Variants in RANBP2 observed in about 807,000 individuals in gnomAD.
The protein encoded by RANBP2 is E3 SUMO-protein ligase RanBP2.
A neutral mutation model predicts 303.6 loss-of-function variants in RANBP2; 57 were observed. The observed-to-expected ratio is 0.19, with a 90% CI of 0.15 to 0.23. The LOEUF (loss-of-function observed/expected upper bound fraction) is 0.23. Ranked by LOEUF, RANBP2 falls within the 10% of genes least tolerant of loss-of-function variation. The pLI, the probability that RANBP2 is intolerant of heterozygous loss-of-function variation, is 1.00. For missense variants in RANBP2, 3,138 were observed against 3,780.8 expected, an observed-to-expected ratio of 0.83 and a Z score of 4.46; for synonymous variants, 1,167 against 1,301.5, an observed-to-expected ratio of 0.90 and a Z score of 2.23.
the RANBP2 span, among the ~76,000 whole-genome samples, chr2:109,684,029 C>A: frequency 1.3e-5 from 2 of 151,918 alleles, no homozygotes; most frequent in African/African-American, 4.8e-5. Context: ...GCAACCTCCA[C>A]CTCCCAGGCT....
At chr2:108,943,053 C>T in the RANBP2 span, among the ~76,000 whole-genome samples, 1 of 152,188 alleles carries the variant, frequency 6.6e-6, no homozygotes, top group Non-Finnish European at 1.5e-5. Context: ...ATTACATGTC[C>T]CTTTCAGAGT....
chr2:109,654,112 C>G, the RANBP2 span, among the ~76,000 whole-genome samples: 143 of 152,190 alleles, frequency 9.4e-4, no homozygotes, highest in Middle Eastern at 3.4e-3. Context: ...GGGTTATTTC[C>G]GCTGGTTAGG....
the RANBP2 span, among the ~76,000 whole-genome samples, chr2:109,210,670 A>T: frequency 1.3e-5 from 2 of 151,842 alleles, no homozygotes; most frequent in Non-Finnish European, 2.9e-5. Flanking sequence ...TGATGAGCTT[A>T]CTCCAGGTGG....
At chr2:109,086,394 CT>C in the RANBP2 span, among the ~76,000 whole-genome samples, 1 of 152,178 alleles carries the variant, frequency 6.6e-6, no homozygotes, top group Admixed American at 6.5e-5. Context: ...GTGTGAAGTC[CT>C]TTTCTATATA....
the RANBP2 span, chr2:108,907,796 T>C: frequency 6.3e-7 from 1 of 1,594,820 alleles, no homozygotes; most frequent in South Asian, 1.1e-5. Flanking sequence ...TAAGAAAGTT[T>C]TAGTCTTGCG....
the RANBP2 span, among the ~76,000 whole-genome samples, chr2:109,133,039 T>C: frequency 2.0e-5 from 3 of 152,242 alleles, no homozygotes; most frequent in African/African-American, 4.8e-5. Flanking sequence ...CTAGGCACTA[T>C]TATAGGTAAA....
chr2:108,989,703 A>C, the RANBP2 span, among the ~76,000 whole-genome samples: 1 of 152,108 alleles, frequency 6.6e-6, no homozygotes, highest in Non-Finnish European at 1.5e-5. Flanking sequence ...ACTTCAGATA[A>C]CCATACACAC....
the RANBP2 span, among the ~76,000 whole-genome samples, chr2:108,827,814 TAAA>T: frequency 1.1e-4 from 15 of 134,098 alleles, no homozygotes; most frequent in East Asian, 4.2e-4. Flanking sequence ...AGAATATGTC[TAAA>T]AAAAAAAAAA....
chr2:109,275,985 G>A, the RANBP2 span, among the ~76,000 whole-genome samples: 1 of 152,136 alleles, frequency 6.6e-6, no homozygotes, highest in Non-Finnish European at 1.5e-5. Flanking sequence ...GAGGGGAGAC[G>A]AACATGCCCC....
chr2:109,571,290 T>C, the RANBP2 span, among the ~76,000 whole-genome samples: 907 of 152,314 alleles, frequency 6.0e-3, 9 homozygotes, highest in African/African-American at 0.021. Flanking sequence ...AACGGACTAA[T>C]AAACATGGTG....
the RANBP2 span, among the ~76,000 whole-genome samples, chr2:109,595,299 T>A: frequency 1.3e-5 from 2 of 152,204 alleles, no homozygotes; most frequent in Non-Finnish European, 2.9e-5. Context: ...CGGTTCTGAT[T>A]GTGTTTTTAC....
At chr2:109,130,183 G>T in the RANBP2 span, 60 of 1,233,536 alleles carry the variant, frequency 4.9e-5, no homozygotes, top group Non-Finnish European at 6.0e-5. Flanking sequence ...GGGCGTGGGG[G>T]GCAGTGATGA....
At chr2:109,580,349 CA>C in the RANBP2 span, among the ~76,000 whole-genome samples, 62,764 of 135,760 alleles carry the variant, frequency 0.46, 14,452 homozygotes, top group East Asian at 0.71. Flanking sequence ...CCATAAAATG[CA>C]AAAAAAAAAA....
the RANBP2 span, among the ~76,000 whole-genome samples, chr2:109,514,537 G>A: frequency 2.0e-5 from 3 of 152,208 alleles, no homozygotes; most frequent in Non-Finnish European, 4.4e-5. Flanking sequence ...CAGGCCAGGC[G>A]GGATGCCGCA....
the RANBP2 span, among the ~76,000 whole-genome samples, chr2:109,379,398 C>T: frequency 7.2e-5 from 11 of 152,156 alleles, no homozygotes; most frequent in African/African-American, 1.9e-4. Flanking sequence ...CGCCAAAGCC[C>T]GTCCCGTGGT....
chr2:109,031,064 G>T, the RANBP2 span, among the ~76,000 whole-genome samples: 1 of 152,178 alleles, frequency 6.6e-6, no homozygotes, highest in Non-Finnish European at 1.5e-5. Context: ...ACGAGGGGAC[G>T]CCATGTGTGG....
chr2:108,721,195 T>G (rs995618883), intron 1 of RANBP2, among the ~76,000 whole-genome samples: 2 of 152,194 alleles, frequency 1.3e-5, no homozygotes, highest in Non-Finnish European at 2.9e-5. Context: ...CCTGTAGAGA[T>G]TTAAGATACT....
rs1308970703 is a variant in RANBP2, at chr2:108,782,157, A to C, written c.8790A>C (p.Glu2930Asp). ...EVEVKSGEED[E>D]EILFKERAKL... is the part of the protein sequence containing the mutation. ...AAGTAAAATCTGGAGAAGAAGATGAAGAAATTTTGTTTAAAGAGAGAGCCA... is the reference window on the plus strand; with the variant it reads ...AAGTAAAATCTGGAGAAGAAGATGACGAAATTTTGTTTAAAGAGAGAGCCA... The change falls in exon 27 of 29, where the codon GAA becomes GAC. Residue 2930 changes from glutamate (E) to aspartate (D), a missense_variant. Physicochemically the swap from Glu to Asp is conservative, Grantham distance 45. Transcript: ENST00000283195. 1 of 1,614,140 alleles carries C rather than the reference A, an allele frequency of 6.2e-7. No individual in the cohort carries two copies. Among genetic ancestry groups the C allele is most frequent in the South Asian group, 1.1e-5 (1 of 91,076 alleles).
the RANBP2 span, among the ~76,000 whole-genome samples, chr2:109,255,725 C>T: frequency 0.24 from 36,942 of 152,084 alleles, 4,925 homozygotes; most frequent in East Asian, 0.46. Context: ...TGGTCATTTC[C>T]GATAAGCTAC....
Sources: allele counts gnomAD v4.1 joint callset (sites outside exome capture counted in the v4.1 genomes callset), GRCh38; gene constraint gnomAD v4.1.1; transcripts MANE v1.5; gene names NCBI Gene and HGNC (gene_info 2026-07-23, HGNC 2026-07-21).